The following RORA variants were observed in gnomAD, a reference collection of about 807,000 sequenced individuals.
The protein encoded by RORA is nuclear receptor ROR-alpha.
A neutral mutation model predicts 69.5 loss-of-function variants in RORA; 7 were observed. The ratio of observed to expected loss-of-function variants is 0.10; its 90% confidence interval spans 0.06 to 0.19. The LOEUF (loss-of-function observed/expected upper bound fraction) is 0.19. Among genes scored for constraint, RORA ranks in the 10% least tolerant of loss-of-function variants. The probability of loss-of-function intolerance (pLI) is 1.00; values close to 1 mark genes in which losing one functional copy is unlikely to be tolerated. For missense variants in RORA, 457 were observed against 663.0 expected (o/e 0.69, Z 3.41); for synonymous variants, 261 against 240.8 (o/e 1.08, Z -0.78).
At chr15:60,928,935 TTTTC>T (rs573447984) in intron 1 of RORA, among the ~76,000 whole-genome samples, 36 of 152,284 alleles carry the variant, frequency 2.4e-4, no homozygotes, top group African/African-American at 7.9e-4. Flanking sequence ...GGTTTTTTTC[TTTTC>T]TTTCTTTCTT....
At chr15:60,556,154 G>C (rs1301604795) in intron 2 of RORA, among the ~76,000 whole-genome samples, 2 of 152,146 alleles carry the variant, frequency 1.3e-5, no homozygotes, top group East Asian at 3.8e-4. Flanking sequence ...AAAAGCTTTT[G>C]GAATGTCTGG....
In RORA at chr15:60,902,821, T is replaced by C. The variant is rs76933942; in HGVS notation, c.167-224135A>G. ...ACAATCAGCTCTCACGAGCTGACTC[T>C]AGCCCTTCACTGGGCAGAACGCTTT... On this transcript the variant is annotated intron_variant, in intron 1 of 10. Coordinates refer to ENST00000335670, the MANE Select transcript of RORA (RefSeq NM_134261.3). Among the ~76,000 whole-genome samples, 428 of 152,202 alleles carry C rather than the reference T, an allele frequency of 2.8e-3. 1 individual carries two copies. The highest frequency in any genetic ancestry group is 9.8e-3 in the African/African-American group (409 of 41,528).
At position 60,674,413 on chromosome 15, in the gene RORA, G is replaced by T. The variant is rs561291165; in HGVS notation, c.196+4244C>A. ...TATCAATGAATGCCTATGGAGAGGA[G>T]GTTGAGGCCTCAAAACTAATTTTCT... On this transcript the variant is annotated intron_variant, in intron 2 of 10. Coordinates refer to ENST00000335670, the MANE Select transcript of RORA (RefSeq NM_134261.3). Among the ~76,000 whole-genome samples the T allele has an allele frequency of 5.3e-5, 8 of 152,326 alleles. No homozygotes were observed. The East Asian group carries it at 1.5e-3, about 29-fold the overall frequency.
intron 2 of RORA, among the ~76,000 whole-genome samples, chr15:60,587,655 T>G (rs1158100245): frequency 6.6e-6 from 1 of 152,228 alleles, no homozygotes; most frequent in Admixed American, 6.5e-5. Flanking sequence ...TCTCCCTATT[T>G]GTTTATGAAA....
At chr15:61,219,650 T>C (rs1395471471) in intron 1 of RORA, among the ~76,000 whole-genome samples, 1 of 152,028 alleles carries the variant, frequency 6.6e-6, no homozygotes, top group Admixed American at 6.6e-5. Context: ...GACAGGAACA[T>C]GAGGTAAGAA....
At chr15:60,946,326 G>A (rs1003378265) in intron 1 of RORA, among the ~76,000 whole-genome samples, 3 of 152,082 alleles carry the variant, frequency 2.0e-5, no homozygotes, top group African/African-American at 7.3e-5. Context: ...GAGCCGAAGC[G>A]GGACTGTACT....
Position 60,556,679 on chromosome 15 carries a change from G to C in RORA, c.197-24828C>G, listed in dbSNP as rs920856858. 8.5e-5 allele frequency among the ~76,000 whole-genome samples: 13 copies of C among 152,294 alleles called. No homozygotes were observed. The Middle Eastern group carries it at 0.01, about 120-fold the overall frequency. ...TAAAACAGGTATAACCCTGTTTCAT[G>C]AGTCTATTGGCCACGAAAGAGATCC... On this transcript the variant is annotated intron_variant, in intron 2 of 10. Coordinates refer to ENST00000335670, the MANE Select transcript of RORA (RefSeq NM_134261.3).
chr15:61,193,504 C>T (rs777724239), intron 1 of RORA, among the ~76,000 whole-genome samples: 10 of 152,152 alleles, frequency 6.6e-5, no homozygotes, highest in Non-Finnish European at 1.0e-4. Flanking sequence ...AACACAGGAA[C>T]ACTTTGACTC....
chr15:60,601,257 A>G (rs892016802), intron 2 of RORA, among the ~76,000 whole-genome samples: 1 of 152,206 alleles, frequency 6.6e-6, no homozygotes, highest in Non-Finnish European at 1.5e-5. Flanking sequence ...ATAATTGAGC[A>G]AGGTTAGCAT....
Position 60,795,738 on chromosome 15 carries a change from T to C in RORA, c.167-117052A>G, listed in dbSNP as rs184000008. Among the ~76,000 whole-genome samples, 69 of 152,300 alleles carry C rather than the reference T, an allele frequency of 4.5e-4. No homozygotes were observed. The East Asian group carries it at 9.7e-3, about 21-fold the overall frequency. ...CTTCCTTATGGCGCCTCCCTATATATGGCAACTCCCCTCACCTAGCCCACC... is the reference window on the plus strand; with the variant it reads ...CTTCCTTATGGCGCCTCCCTATATACGGCAACTCCCCTCACCTAGCCCACC... On this transcript the variant is annotated intron_variant, in intron 1 of 10. Coordinates refer to ENST00000335670, the MANE Select transcript of RORA (RefSeq NM_134261.3).
intron 1 of RORA, among the ~76,000 whole-genome samples, chr15:61,142,549 A>G (rs1212506547): frequency 2.5e-5 from 2 of 81,460 alleles, no homozygotes; most frequent in Non-Finnish European, 7.4e-5. Flanking sequence ...CCTGACAAAA[A>G]TAACCAGAAA....
intron 1 of RORA, among the ~76,000 whole-genome samples, chr15:60,920,603 C>T (rs771896601): frequency 1.3e-5 from 2 of 151,986 alleles, no homozygotes; most frequent in Non-Finnish European, 2.9e-5. Flanking sequence ...ACCACATACC[C>T]CAGGGAGAAG....
In RORA at chr15:61,139,556, A is replaced by T. The variant is rs60447454; in HGVS notation, c.166+89497T>A. Among the ~76,000 whole-genome samples the T allele has an allele frequency of 2.9e-3, 446 of 152,346 alleles. 3 individuals are homozygous for T. The highest frequency in any genetic ancestry group is 0.01 in the African/African-American group (426 of 41,570). ...AGAAAATGTGACCAAGTTAAACCAGAGGCCACCTAAACTGGCAGTCCAACA... is the reference window on the plus strand; with the variant it reads ...AGAAAATGTGACCAAGTTAAACCAGTGGCCACCTAAACTGGCAGTCCAACA... On this transcript the variant is annotated intron_variant, in intron 1 of 10. Transcript: ENST00000335670.
chr15:60,874,510 A>G (rs1260763410), intron 1 of RORA, among the ~76,000 whole-genome samples: 1 of 152,202 alleles, frequency 6.6e-6, no homozygotes, highest in Non-Finnish European at 1.5e-5. Flanking sequence ...GTGGTACAAA[A>G]GCAGCCACAG....
chr15:60,570,403 C>T (rs1008354691), intron 2 of RORA, among the ~76,000 whole-genome samples: 1 of 152,124 alleles, frequency 6.6e-6, no homozygotes, highest in Non-Finnish European at 1.5e-5. Flanking sequence ...GATCACAGCT[C>T]ACTGCAGACT....
At chr15:61,099,597 C>T (rs2078847650) in intron 1 of RORA, among the ~76,000 whole-genome samples, 1 of 152,216 alleles carries the variant, frequency 6.6e-6, no homozygotes, top group African/African-American at 2.4e-5. Flanking sequence ...CTTATTACTT[C>T]AAAACCAACA....
intron 1 of RORA, among the ~76,000 whole-genome samples, chr15:60,728,945 G>T (rs1298292455): frequency 6.6e-6 from 1 of 152,114 alleles, no homozygotes; most frequent in East Asian, 1.9e-4. Context: ...TCTGGTAGAG[G>T]TCTCCCCTTG....
At chr15:61,074,433 C>G (rs1303776945) in intron 1 of RORA, among the ~76,000 whole-genome samples, 2 of 152,202 alleles carry the variant, frequency 1.3e-5, no homozygotes, top group Non-Finnish European at 2.9e-5. Flanking sequence ...GATACAGACA[C>G]AGACATAGAT....
At chr15:60,760,611 A>G (rs1477329383) in intron 1 of RORA, among the ~76,000 whole-genome samples, 1 of 152,198 alleles carries the variant, frequency 6.6e-6, no homozygotes, top group East Asian at 1.9e-4. Context: ...AAACAGCATT[A>G]AAATATAAAC....
Sources: gnomAD v4.1 joint callset for allele counts (sites outside exome capture counted in the v4.1 genomes callset) on GRCh38, gnomAD v4.1.1 for gene constraint, MANE v1.5 for transcripts, NCBI Gene and HGNC (gene_info 2026-07-23, HGNC 2026-07-21) for gene names.